The following C6orf132 variants were observed in gnomAD, a reference collection of about 807,000 sequenced individuals.
C6orf132 encodes the protein uncharacterized protein C6orf132.
C6orf132 carries 43 observed loss-of-function variants against 65.3 expected under a neutral mutation model. The observed-to-expected ratio is 0.66, with a 90% CI of 0.52 to 0.85. The LOEUF (loss-of-function observed/expected upper bound fraction) is 0.85. C6orf132 is among the 40% of genes least tolerant of loss of function. The pLI, the probability that C6orf132 is intolerant of heterozygous loss-of-function variation, is 0.00. For missense variants in C6orf132, 1,488 were observed against 1,548.8 expected (o/e 0.96, Z 0.66); for synonymous variants, 631 against 654.1 (o/e 0.96, Z 0.54).
chr6:42,137,065 G>A (rs187926464), intron 1 of C6orf132, among the ~76,000 whole-genome samples: 37 of 152,298 alleles, frequency 2.4e-4, no homozygotes, highest in Admixed American at 2.4e-3. Context: ...CAGATGACTG[G>A]GTGCACTTTG....
intron 1 of C6orf132, among the ~76,000 whole-genome samples, chr6:42,132,935 G>C (rs768621000): frequency 6.6e-6 from 1 of 151,960 alleles, no homozygotes; most frequent in Non-Finnish European, 1.5e-5. Context: ...GGGCCCCTCA[G>C]ACCTGGCCTA....
chr6:42,128,758 T>C lies in C6orf132; in HGVS notation c.166A>G (p.Asn56Asp). The C allele has an allele frequency of 1.3e-6, 2 of 1,551,530 alleles. No homozygotes were observed. The highest frequency in any genetic ancestry group is 1.7e-6 in the Non-Finnish European group (2 of 1,146,890). ...GGFDGIYYGD[N>D]RFNTVSESGT... ...GACTCGCTCACTGTGTTAAACCGAT[T>C]GTCTCCATAATAGATGCCATCTAGA... is the stretch of plus-strand genomic sequence containing the variant. Residue 56 changes from asparagine to aspartate, a missense_variant, in exon 2 of 5, where the codon AAT becomes GAT. Transcript: ENST00000341865.
chr6:42,120,867 C>T (rs1426932762), intron 2 of C6orf132, among the ~76,000 whole-genome samples: 1 of 152,102 alleles, frequency 6.6e-6, no homozygotes, highest in Non-Finnish European at 1.5e-5. Flanking sequence ...GTGATCCTCC[C>T]ACCTCGGGCT....
At chr6:42,139,953 G>A (rs1767007333) in intron 1 of C6orf132, among the ~76,000 whole-genome samples, 1 of 152,214 alleles carries the variant, frequency 6.6e-6, no homozygotes, top group Non-Finnish European at 1.5e-5. Context: ...TGTATTGACA[G>A]AGACAGGATG....
At chr6:42,129,379 A>G (rs1766819839) in intron 1 of C6orf132, among the ~76,000 whole-genome samples, 2 of 152,208 alleles carry the variant, frequency 1.3e-5, no homozygotes, top group Admixed American at 6.5e-5. Context: ...TGACCTGGTT[A>G]AAAAATCCCA....
chr6:42,106,554 G>T lies in C6orf132; in HGVS notation c.1358C>A (p.Thr453Lys). ...PKPNPPSPENTASSAPVDWRD... is the reference protein window; with the variant it reads ...PKPNPPSPENKASSAPVDWRD... ...CCAGTCCACAGGTGCTGAAGACGCT[G>T]TGTTCTCTGGGCTGGGGGGGTTGGG... Residue 453 changes from threonine (T) to lysine (K), a missense_variant, in exon 4 of 5, where the codon ACA (threonine) becomes AAA (lysine). Coordinates refer to ENST00000341865, the MANE Select transcript of C6orf132 (RefSeq NM_001164446.3). The T allele has an allele frequency of 6.5e-7, 1 of 1,536,112 alleles. No individual in the cohort carries two copies. Among genetic ancestry groups the T allele is most frequent in the South Asian group, 1.2e-5 (1 of 84,044 alleles).
At chr6:42,115,675 C>T (rs1045912348) in intron 2 of C6orf132, among the ~76,000 whole-genome samples, 18 of 152,004 alleles carry the variant, frequency 1.2e-4, no homozygotes, top group South Asian at 6.2e-4. Context: ...ATAAATAAAA[C>T]GGTTAAAACG....
In C6orf132 at chr6:42,104,954, G is replaced by T. The variant is rs74901308; in HGVS notation, c.2958C>A (p.Ile986=). The change falls in exon 4 of 5, where the codon ATC becomes ATA. Residue 986 remains isoleucine, a synonymous_variant. Coordinates refer to ENST00000341865, the MANE Select transcript of C6orf132 (RefSeq NM_001164446.3). This position sits in a 1 kb window ranked among gnomAD's most constrained non-coding sequence, Gnocchi z 4.1. ...EEEEEFNFEV[I]PPPPEFSNDP... The stretch of plus-strand genomic sequence containing the variant: ...CATTGCTGAACTCTGGCGGCGGTGG[G>T]ATGACCTCGAAGTTGAACTCCTCCT... The T allele has an allele frequency of 0.1, 154,826 of 1,483,142 alleles. 8,741 individuals are homozygous for T. The highest frequency in any genetic ancestry group is 0.15 in the Middle Eastern group (837 of 5,690). 91.9% of individuals were successfully genotyped at this position (1,483,142 alleles called of 1,614,324 possible). A position where few individuals can be genotyped will look rare whatever the true frequency, so the allele number is the denominator to read the frequency against.
In C6orf132 at chr6:42,138,148, A is replaced by AT. The variant is rs201646672; in HGVS notation, c.145+4151dup. ...TAGGAATTTGAAATTAATTAAATTA[A>AT]TTTTTTTGGGTGGGGGAGGACAGGA... On this transcript the variant is annotated intron_variant, in intron 1 of 4. Transcript: ENST00000341865. Among the ~76,000 whole-genome samples, 161 of 152,170 alleles carry AT rather than the reference A, an allele frequency of 1.1e-3. 1 individual carries two copies. The East Asian group carries it at 0.016, about 15-fold the overall frequency.
Position 42,106,754 on chromosome 6 carries a change from T to C in C6orf132, c.1158A>G (p.Arg386=). 6.5e-7 allele frequency: 1 copy of C among 1,532,150 alleles called. No homozygotes were observed. Among genetic ancestry groups the C allele is most frequent in the South Asian group, 1.2e-5 (1 of 83,860 alleles). 94.9% of individuals were successfully genotyped at this position (1,532,150 alleles called of 1,614,324 possible). ...GAGGGGCTGGAGGCGGAGTCCCAGC[T>C]CGTTCATCTGCTTGGGACTGGGACT... is the stretch of plus-strand genomic sequence containing the variant. ...LGQSQSQADE[R]AGTPPPAPPL... The change falls in exon 4 of 5, where the codon CGA becomes CGG. Residue 386 remains arginine (R), a synonymous_variant. Coordinates refer to ENST00000341865, the MANE Select transcript of C6orf132 (RefSeq NM_001164446.3).
rs1766776755 is a variant in C6orf132 at position 42,126,912 on chromosome 6, C to G, written c.252+1760G>C. 8 of 370,550 alleles carry G rather than the reference C, an allele frequency of 2.2e-5. No homozygotes were observed. The East Asian group carries it at 3.3e-4, about 15-fold the overall frequency. The allele number at this position is 370,550 out of a possible 1,614,324, so 23.0% of individuals were successfully genotyped here. The stretch of plus-strand genomic sequence containing the variant: ...CATTTATGGGTGCAATCACTTCTAT[C>G]AGAGTTTTATGCATTCTCTGGAAAC... On this transcript the variant is annotated intron_variant, in intron 2 of 4. Coordinates refer to ENST00000341865, the MANE Select transcript of C6orf132 (RefSeq NM_001164446.3).
chr6:42,102,087 T>G lies in C6orf132; in HGVS notation c.*1674A>C, dbSNP rs1247593408. ...CAAGGAATATTGTTTCCTGATATGTTTGGTGATCACAGCATCTAAACCAGG... is the reference window on the plus strand; with the variant it reads ...CAAGGAATATTGTTTCCTGATATGTGTGGTGATCACAGCATCTAAACCAGG... On this transcript the variant is annotated 3_prime_UTR_variant, in exon 5 of 5. Coordinates refer to ENST00000341865, the MANE Select transcript of C6orf132 (RefSeq NM_001164446.3). 1 of 152,154 alleles carries G rather than the reference T, an allele frequency of 6.6e-6. No homozygotes were observed. The allele number at this position is 152,154 out of a possible 1,614,324, so 9.4% of individuals were successfully genotyped here. A position where few individuals can be genotyped will look rare whatever the true frequency, so the allele number is the denominator to read the frequency against.
chr6:42,106,878 T>A lies in C6orf132; in HGVS notation c.1034A>T (p.His345Leu), dbSNP rs1211187569. The A allele has an allele frequency of 5.9e-6, 9 of 1,534,420 alleles. No homozygotes were observed. The highest frequency in any genetic ancestry group is 7.9e-6 in the Non-Finnish European group (9 of 1,145,708). The change falls in exon 4 of 5, where the codon CAC (histidine) becomes CTC (leucine). Residue 345 changes from histidine (H) to leucine (L), a missense_variant. By Grantham distance (99) the His-to-Leu change is moderately conservative (BLOSUM62 -3). Transcript: ENST00000341865. ...GTAGACCTGGGAGGCGGGGCGGATG[T>A]GGAAGCTGGGAGGCAGTGGGAGTCG... The part of the protein sequence containing the change: ...PSRLPLPPSF[H>L]IRPASQVYPD...
In C6orf132 at chr6:42,104,789, C is replaced by G. The variant is rs921581995; in HGVS notation, c.3123G>C (p.Ala1041=). ...CCCCAGCCCCGGCGTAGCGCGCGCC[C>G]GCGGGAAAGCGCGAGAAGCCGAGAG... ...PPALGFSRFP[A]GARYAGAGGL... The change falls in exon 4 of 5, where the codon GCG becomes GCC. Residue 1041 remains alanine (A), a synonymous_variant. Transcript: ENST00000341865. The surrounding 1 kb of genome is among the most constrained non-coding windows in gnomAD (Gnocchi z 4.1). The G allele has an allele frequency of 6.7e-7, 1 of 1,497,506 alleles. No homozygotes were observed. The highest frequency in any genetic ancestry group is 8.8e-7 in the Non-Finnish European group (1 of 1,130,490). The allele number at this position is 1,497,506 out of a possible 1,614,324, so 92.8% of individuals were successfully genotyped here. A position where few individuals can be genotyped will look rare whatever the true frequency, so the allele number is the denominator to read the frequency against.
In C6orf132 at chr6:42,128,516, G is replaced by A. The variant is rs913200722; in HGVS notation, c.252+156C>T. The stretch of plus-strand genomic sequence containing the variant: ...TCCTAGACTTCCTACCATGAGCCTC[G>A]ACCATGCCTCCTTCCAGTAGCCCCC... On this transcript the variant is annotated intron_variant, in intron 2 of 4. Coordinates refer to ENST00000341865, the MANE Select transcript of C6orf132 (RefSeq NM_001164446.3). 4.6e-5 allele frequency among the ~76,000 whole-genome samples: 7 copies of A among 152,036 alleles called. No homozygotes were observed. In the South Asian group the frequency reaches 8.3e-4, roughly 18 times the overall value.
chr6:42,107,898 G>T (rs755363760), intron 3 of C6orf132, among the ~76,000 whole-genome samples: 1 of 152,170 alleles, frequency 6.6e-6, no homozygotes, highest in Non-Finnish European at 1.5e-5. Flanking sequence ...TGAGATGGGG[G>T]GTGGGGACAA....
intron 1 of C6orf132, among the ~76,000 whole-genome samples, chr6:42,131,096 G>A (rs1378525816): frequency 2.6e-5 from 4 of 152,138 alleles, no homozygotes; most frequent in Non-Finnish European, 5.9e-5. Flanking sequence ...ATGTTGGCCA[G>A]GCCTGTCTCA....
At chr6:42,136,388 C>T (rs991829890) in intron 1 of C6orf132, among the ~76,000 whole-genome samples, 3 of 152,132 alleles carry the variant, frequency 2.0e-5, no homozygotes, top group African/African-American at 7.2e-5. Context: ...TTGCCAGGAG[C>T]CCCTAAATGA....
chr6:42,117,154 C>G (rs1028256034), intron 2 of C6orf132, among the ~76,000 whole-genome samples: 1 of 152,194 alleles, frequency 6.6e-6, no homozygotes, highest in African/African-American at 2.4e-5. Context: ...ATTCTCCTCC[C>G]TGTGTGATCC....
Sources: gnomAD v4.1 joint callset for allele counts (sites outside exome capture counted in the v4.1 genomes callset) on GRCh38, gnomAD v4.1.1 for gene constraint, Gnocchi (gnomAD v3.1) non-coding constraint, MANE v1.5 for transcripts, NCBI Gene and HGNC (gene_info 2026-07-23, HGNC 2026-07-21) for gene names.